The following CNTN5 variants were observed in gnomAD, a reference collection of about 807,000 sequenced individuals.
CNTN5 encodes contactin 5.
A neutral mutation model predicts 129.1 loss-of-function variants in CNTN5; 77 were observed. The observed-to-expected ratio is 0.60, with a 90% CI of 0.50 to 0.72. The LOEUF (loss-of-function observed/expected upper bound fraction) is 0.72. CNTN5 is among the 30% of genes least tolerant of loss of function. The pLI, the probability that CNTN5 is intolerant of heterozygous loss-of-function variation, is 0.00. For missense variants in CNTN5, 1,478 were observed against 1,328.8 expected, an observed-to-expected ratio of 1.11 and a Z score of -1.75; for synonymous variants, 509 against 465.6, an observed-to-expected ratio of 1.09 and a Z score of -1.20.
At chr11:99,613,719 A>T (rs992121977) in intron 3 of CNTN5, among the ~76,000 whole-genome samples, 3 of 152,210 alleles carry the variant, frequency 2.0e-5, no homozygotes, top group African/African-American at 7.2e-5. Flanking sequence ...CAAAATAATG[A>T]TTCACCATTT....
In CNTN5 at chr11:99,186,485, G is replaced by T. The variant is rs570124776; in HGVS notation, c.-209-138861G>T. Among the ~76,000 whole-genome samples the T allele has an allele frequency of 7.9e-5, 12 of 151,998 alleles. No individual in the cohort carries two copies. The East Asian group carries it at 2.3e-3, about 29-fold the overall frequency. ...ATTTCTTAATGTAAAATTGAACTGG[G>T]TTTTTGTATACTTTGCCTGCAGCAT... On this transcript the variant is annotated intron_variant, in intron 1 of 24. Transcript: ENST00000524871.
At chr11:100,302,043 A>C (rs919525493) in intron 20 of CNTN5, among the ~76,000 whole-genome samples, 1 of 151,520 alleles carries the variant, frequency 6.6e-6, no homozygotes, top group African/African-American at 2.4e-5. Flanking sequence ...ACCTTGTCTC[A>C]AAAAATAATA....
rs541771115 is a variant in CNTN5 at position 100,343,733 on chromosome 11, C to A, written c.3030+2528C>A. Among the ~76,000 whole-genome samples the A allele has an allele frequency of 2.0e-4, 31 of 152,180 alleles. 2 individuals are homozygous for A. The highest frequency in any genetic ancestry group is 6.0e-4 in the African/African-American group (25 of 41,530). ...CCCACACAGCAGTGAAAGAACTGTA[C>A]CATCTGAAGGTGCACACTAATATAG... On this transcript the variant is annotated intron_variant, in intron 23 of 24. Coordinates refer to ENST00000524871, the MANE Select transcript of CNTN5 (RefSeq NM_014361.4).
chr11:100,056,959 C>CT (rs897421199), intron 9 of CNTN5, among the ~76,000 whole-genome samples: 3 of 151,506 alleles, frequency 2.0e-5, no homozygotes, highest in Non-Finnish European at 4.4e-5. Flanking sequence ...ATAAAATATA[C>CT]TTTTTTCCCA....
intron 18 of CNTN5, among the ~76,000 whole-genome samples, chr11:100,291,232 A>G (rs1164581864): frequency 1.3e-5 from 2 of 151,272 alleles, no homozygotes; most frequent in Non-Finnish European, 3.0e-5. Context: ...TAGAAATACC[A>G]TTTGACCCAG....
intron 1 of CNTN5, among the ~76,000 whole-genome samples, chr11:99,142,466 G>T (rs959353965): frequency 6.6e-6 from 1 of 152,120 alleles, no homozygotes; most frequent in African/African-American, 2.4e-5. Context: ...GGAGGGGTCT[G>T]CTGGTGTAGG....
At chr11:99,136,792 G>A (rs551270794) in intron 1 of CNTN5, among the ~76,000 whole-genome samples, 1 of 152,140 alleles carries the variant, frequency 6.6e-6, no homozygotes, top group East Asian at 1.9e-4. Context: ...TTGTTTTAAT[G>A]GATGGGTGAT....
chr11:99,139,463 T>C (rs1859406972), intron 1 of CNTN5, among the ~76,000 whole-genome samples: 1 of 152,114 alleles, frequency 6.6e-6, no homozygotes, highest in Non-Finnish European at 1.5e-5. Flanking sequence ...AAATAAAAAA[T>C]GCTAATTGAA....
intron 8 of CNTN5, among the ~76,000 whole-genome samples, chr11:99,981,754 G>T (rs752503170): frequency 6.6e-6 from 1 of 152,098 alleles, no homozygotes; most frequent in Non-Finnish European, 1.5e-5. Context: ...TTTGAGGATT[G>T]GTCATCATTC....
chr11:99,157,928 G>A (rs926622625), intron 1 of CNTN5, among the ~76,000 whole-genome samples: 2 of 152,148 alleles, frequency 1.3e-5, no homozygotes, highest in African/African-American at 2.4e-5. Context: ...ACAGTGTTGG[G>A]AAAAGGGAGT....
At chr11:99,998,768 A>G (rs1291923711) in intron 8 of CNTN5, among the ~76,000 whole-genome samples, 1 of 150,548 alleles carries the variant, frequency 6.6e-6, no homozygotes, top group Non-Finnish European at 1.5e-5. Context: ...CTACAAGGCT[A>G]CAGTAACCAA....
At chr11:100,070,290 G>T (rs752371011) in intron 10 of CNTN5, 134 bp from the exon 11 acceptor site, 1 of 836,756 alleles carries the variant, frequency 1.2e-6, no homozygotes, top group Non-Finnish European at 1.8e-6. Context: ...ACGCAATGCT[G>T]TGCTTCTTCA....
chr11:99,713,612 T>C (rs761409061), intron 3 of CNTN5, among the ~76,000 whole-genome samples: 22 of 151,964 alleles, frequency 1.4e-4, no homozygotes, highest in Non-Finnish European at 1.8e-4. Context: ...TAAATATGTA[T>C]GTATGTTTAC....
chr11:100,037,546 C>A (rs1278327093), intron 9 of CNTN5, among the ~76,000 whole-genome samples: 1 of 152,048 alleles, frequency 6.6e-6, no homozygotes, highest in African/African-American at 2.4e-5. Flanking sequence ...AGGAATGGTA[C>A]CAGCTCCTCC....
At chr11:99,712,241 A>ATTCT in intron 3 of CNTN5, among the ~76,000 whole-genome samples, 1 of 152,196 alleles carries the variant, frequency 6.6e-6, no homozygotes, top group Middle Eastern at 3.4e-3. Context: ...GATGATGAGC[A>ATTCT]TTCTTTCATA....
intron 2 of CNTN5, among the ~76,000 whole-genome samples, chr11:99,422,510 TTATATTTTTATATATATATATA>T (rs1391207962): frequency 1.6e-5 from 1 of 61,180 alleles, no homozygotes; most frequent in East Asian, 3.9e-4. Flanking sequence ...TCATGTTACT[TTATATTTTTATATATATATATA>T]TATATATATA....
intron 3 of CNTN5, among the ~76,000 whole-genome samples, chr11:99,757,530 G>C (rs1257392803): frequency 6.8e-6 from 1 of 147,924 alleles, no homozygotes; most frequent in East Asian, 2.0e-4. Context: ...GTCTGTTTCT[G>C]TTTTCTCTCC....
intron 1 of CNTN5, among the ~76,000 whole-genome samples, chr11:99,230,637 T>C (rs1283514162): frequency 1.3e-5 from 2 of 152,134 alleles, no homozygotes; most frequent in Admixed American, 6.5e-5. Flanking sequence ...TGTAAACATA[T>C]TCTCTTTCTT....
intron 18 of CNTN5, among the ~76,000 whole-genome samples, chr11:100,272,620 C>A (rs1950427163): frequency 6.6e-6 from 1 of 152,028 alleles, no homozygotes; most frequent in South Asian, 2.1e-4. Context: ...GACTAGAGTG[C>A]TCCTAACAGA....
Sources: allele counts gnomAD v4.1 joint callset (sites outside exome capture counted in the v4.1 genomes callset), GRCh38; gene constraint gnomAD v4.1.1; transcripts MANE v1.5; gene names NCBI Gene and HGNC (gene_info 2026-07-23, HGNC 2026-07-21).